The following GABRB1 variants were observed in gnomAD, a reference collection of about 807,000 sequenced individuals.
GABRB1 encodes gamma-aminobutyric acid receptor subunit beta-1.
Under a neutral mutation model 51.6 loss-of-function variants are expected in GABRB1, and 17 were observed. The ratio of observed to expected loss-of-function variants is 0.33; its 90% CI spans 0.23 to 0.49. GABRB1 has a LOEUF of 0.49. Ranked by LOEUF, GABRB1 falls within the 20% of genes least tolerant of loss-of-function variation. GABRB1 has a pLI of 0.99. For synonymous variants in GABRB1, 247 were observed against 218.9 expected, an observed-to-expected ratio of 1.13 and a Z score of -1.14; for missense variants, 410 against 600.6, an observed-to-expected ratio of 0.68 and a Z score of 3.32.
chr4:47,047,389 G>T (rs893358596), intron 3 of GABRB1, among the ~76,000 whole-genome samples: 3 of 152,012 alleles, frequency 2.0e-5, no homozygotes, highest in Admixed American at 1.3e-4. Context: ...ACCATATGAA[G>T]TATATATCAT....
intron 3 of GABRB1, among the ~76,000 whole-genome samples, chr4:47,127,606 G>GA (rs1239933475): frequency 6.6e-6 from 1 of 151,498 alleles, no homozygotes; most frequent in Non-Finnish European, 1.5e-5. Context: ...TGTCTTTAAT[G>GA]AATGTTTTCT....
At chr4:47,031,811 G>A in intron 1 of GABRB1, 80 bp downstream of exon 1, 1 of 1,498,100 alleles carries the variant, frequency 6.7e-7, no homozygotes, top group Non-Finnish European at 9.3e-7. Context: ...CGTGTCTGCT[G>A]GATCATGTAT....
intron 3 of GABRB1, among the ~76,000 whole-genome samples, chr4:47,102,734 C>A (rs1375633842): frequency 6.6e-6 from 1 of 151,782 alleles, no homozygotes; most frequent in South Asian, 2.1e-4. Flanking sequence ...AGAGGAGGTG[C>A]CAGCACATGG....
chr4:47,033,338 G>A (rs1725421147), intron 3 of GABRB1, among the ~76,000 whole-genome samples: 1 of 152,114 alleles, frequency 6.6e-6, no homozygotes, highest in Admixed American at 6.5e-5. Context: ...TGAAATAGCT[G>A]CCACTTTCTC....
intron 4 of GABRB1, among the ~76,000 whole-genome samples, chr4:47,198,712 G>A (rs1719784708): frequency 6.6e-6 from 1 of 152,170 alleles, no homozygotes; most frequent in African/African-American, 2.4e-5. Flanking sequence ...ATTTAGCTGA[G>A]AAGATTTCTG....
At chr4:47,375,971 A>G (rs565465741) in intron 5 of GABRB1, among the ~76,000 whole-genome samples, 1 of 152,258 alleles carries the variant, frequency 6.6e-6, no homozygotes, top group South Asian at 2.1e-4. Flanking sequence ...GAACATTTGT[A>G]TTTTTTATGT....
In GABRB1 at chr4:47,064,530, C is replaced by T. The variant is rs149536461; in HGVS notation, c.240+32046C>T. ...GCACATGCCTGTAATCCCAGCTACT[C>T]GGGAGGCTGAGGCTGCAGAATCGCT... On this transcript the variant is annotated intron_variant, in intron 3 of 8. Transcript: ENST00000295454. Among the ~76,000 whole-genome samples, 565 of 148,366 alleles carry T rather than the reference C, an allele frequency of 3.8e-3. 4 individuals carry two copies. The highest frequency in any genetic ancestry group is 0.011 in the Middle Eastern group (3 of 272).
At chr4:47,362,175 G>A (rs950797479) in intron 5 of GABRB1, among the ~76,000 whole-genome samples, 1 of 152,130 alleles carries the variant, frequency 6.6e-6, no homozygotes, top group African/African-American at 2.4e-5. Flanking sequence ...GGATAATCAG[G>A]TCAAATGCTG....
At position 47,002,010 on chromosome 4, in the gene GABRB1, G is replaced by A. The variant is rs1512145; in HGVS notation, c.-20+8084G>A. Among the ~76,000 whole-genome samples the A allele has an allele frequency of 8.3e-3, 1,266 of 152,256 alleles. 25 individuals carry two copies. Among genetic ancestry groups the A allele is most frequent in the African/African-American group, 0.028 (1,160 of 41,560 alleles). ...AGGATAGGCAGTTTTTTACGACACA[G>A]TAACTCATGATATGTGAACCATTAT... is the stretch of plus-strand genomic sequence containing the variant. On this transcript the variant is annotated intron_variant, in intron 1 of 3. Transcript: ENST00000513567.
chr4:47,181,054 A>C (rs190289262), intron 4 of GABRB1, among the ~76,000 whole-genome samples: 13 of 152,116 alleles, frequency 8.5e-5, no homozygotes, highest in African/African-American at 2.9e-4. Flanking sequence ...ATTCAAATTA[A>C]AGACTCAGAT....
At chr4:47,228,685 G>A (rs1191282676) in intron 4 of GABRB1, among the ~76,000 whole-genome samples, 1 of 152,122 alleles carries the variant, frequency 6.6e-6, no homozygotes, top group African/African-American at 2.4e-5. Flanking sequence ...ACTGGGCACA[G>A]GGAGAAGTTG....
intron 4 of GABRB1, among the ~76,000 whole-genome samples, chr4:47,190,949 G>A (rs1226454918): frequency 6.6e-6 from 1 of 152,140 alleles, no homozygotes; most frequent in African/African-American, 2.4e-5. Flanking sequence ...ACTTGTACAT[G>A]TAATTTTTCC....
At chr4:47,327,527 T>A (rs1280610068) in intron 5 of GABRB1, among the ~76,000 whole-genome samples, 1 of 152,244 alleles carries the variant, frequency 6.6e-6, no homozygotes, top group East Asian at 1.9e-4. Flanking sequence ...ATTAACTATG[T>A]TCTTCCTACT....
chr4:47,193,479 T>G (rs1719527106), intron 4 of GABRB1, among the ~76,000 whole-genome samples: 1 of 152,224 alleles, frequency 6.6e-6, no homozygotes, highest in South Asian at 2.1e-4. Flanking sequence ...CCAGTCTTCA[T>G]GCAGTCTGTA....
At chr4:47,304,711 C>T (rs1307218515) in intron 4 of GABRB1, among the ~76,000 whole-genome samples, 6 of 152,024 alleles carry the variant, frequency 3.9e-5, no homozygotes, top group Admixed American at 2.6e-4. Context: ...TGATCAAATT[C>T]ACAATGGGTT....
At chr4:47,098,321 G>A (rs1202796614) in intron 3 of GABRB1, among the ~76,000 whole-genome samples, 1 of 151,944 alleles carries the variant, frequency 6.6e-6, no homozygotes, top group Non-Finnish European at 1.5e-5. Context: ...CATTTACTCT[G>A]GGGGGTTATT....
intron 8 of GABRB1, among the ~76,000 whole-genome samples, chr4:47,417,481 C>G (rs7664913): frequency 0.48 from 73,150 of 151,406 alleles, 20,348 homozygotes; most frequent in African/African-American, 0.78. Flanking sequence ...GGAATTCCAG[C>G]CTAAGAGATC....
intron 4 of GABRB1, among the ~76,000 whole-genome samples, chr4:47,281,761 A>G (rs1723302114): frequency 1.3e-5 from 2 of 152,214 alleles, no homozygotes; most frequent in Non-Finnish European, 2.9e-5. Flanking sequence ...CTAGAAGTCT[A>G]TGTTAAGTGA....
At chr4:47,110,023 G>A (rs932828169) in intron 3 of GABRB1, among the ~76,000 whole-genome samples, 1 of 152,088 alleles carries the variant, frequency 6.6e-6, no homozygotes, top group African/African-American at 2.4e-5. Flanking sequence ...TTGAGTTTGG[G>A]TCAAGAAGGG....
Sources: allele counts gnomAD v4.1 joint callset (sites outside exome capture counted in the v4.1 genomes callset), GRCh38; gene constraint gnomAD v4.1.1; transcripts MANE v1.5; gene names NCBI Gene and HGNC (gene_info 2026-07-23, HGNC 2026-07-21).